The following ZNF676 variants were observed in gnomAD, a reference collection of about 807,000 sequenced individuals.
The protein encoded by ZNF676 is zinc finger protein 676.
A neutral mutation model predicts 6.0 loss-of-function variants in ZNF676; 4 were observed. The observed-to-expected ratio is 0.67, with a 90% CI of 0.33 to 1.53. The LOEUF is 1.53. Among genes scored for constraint, ZNF676 ranks in the 40% most tolerant of loss-of-function variants. ZNF676 has a pLI of 0.06. For missense variants in ZNF676, 644 were observed against 679.7 expected (o/e 0.95, Z 0.58); for synonymous variants, 198 against 223.1 (o/e 0.89, Z 1.00).
At chr19:22,239,721 G>A in the ZNF676 span, among the ~76,000 whole-genome samples, 1 of 152,084 alleles carries the variant, frequency 6.6e-6, no homozygotes, top group Admixed American at 6.5e-5. Context: ...ACAACATTTG[G>A]GTGCTGGGCT....
chr19:22,255,287 G>C, the ZNF676 span, among the ~76,000 whole-genome samples: 23 of 152,256 alleles, frequency 1.5e-4, no homozygotes, highest in African/African-American at 4.8e-4. Flanking sequence ...GTTCATGTGG[G>C]AAAATGACAA....
At chr19:22,241,602 G>T in the ZNF676 span, among the ~76,000 whole-genome samples, 1 of 151,778 alleles carries the variant, frequency 6.6e-6, no homozygotes, top group Admixed American at 6.6e-5. Context: ...CTGTGTGCTG[G>T]GCCCTGTGAG....
chr19:22,201,497 C>T (rs1423195964), upstream of ZNF676, among the ~76,000 whole-genome samples: 2 of 152,116 alleles, frequency 1.3e-5, no homozygotes, highest in Non-Finnish European at 2.9e-5. Context: ...ATCAACCTCA[C>T]TCTGCATTTT....
At chr19:22,203,599 A>G (rs978287746) in intron 1 of ZNF676, 2 of 147,666 alleles carry the variant, frequency 1.4e-5, no homozygotes, top group African/African-American at 5.0e-5. Context: ...TCTCAGCACA[A>G]TTTTTTTTTT....
At chr19:22,236,349 C>T in the ZNF676 span, among the ~76,000 whole-genome samples, 1 of 152,030 alleles carries the variant, frequency 6.6e-6, no homozygotes. Flanking sequence ...GTAAGTTGGA[C>T]CTGAGCTAAA....
At chr19:22,244,962 T>C in the ZNF676 span, 2 of 152,144 alleles carry the variant, frequency 1.3e-5, no homozygotes, top group East Asian at 3.9e-4. Flanking sequence ...GAGGAAGAAG[T>C]AGAGAGTCAC....
intron 2 of ZNF676, among the ~76,000 whole-genome samples, chr19:22,190,630 C>CATATATATAT (rs74174059): frequency 0.056 from 3,738 of 66,278 alleles, 174 homozygotes; most frequent in Non-Finnish European, 0.067. Flanking sequence ...TAGAATGCAA[C>CATATATATAT]ATATATATAT....
chr19:22,216,434 T>G (rs1308086046), upstream of ZNF676, among the ~76,000 whole-genome samples: 1 of 150,188 alleles, frequency 6.7e-6, no homozygotes, highest in East Asian at 1.9e-4. Context: ...AAACGCCAGC[T>G]CAAAAACATG....
intron 1 of ZNF676, chr19:22,203,889 T>C (rs566179856): frequency 1.3e-5 from 2 of 152,276 alleles, no homozygotes; most frequent in South Asian, 4.1e-4. Context: ...CCACAGCGCC[T>C]AGCTCTCAGC....
chr19:22,209,947 A>G (rs2024113481), intron 1 of ZNF676, among the ~76,000 whole-genome samples: 1 of 152,206 alleles, frequency 6.6e-6, no homozygotes, highest in Non-Finnish European at 1.5e-5. Flanking sequence ...TGCCTTGTCC[A>G]GAGAGGGGTG....
At chr19:22,217,238 T>A (rs972863214), upstream of ZNF676, among the ~76,000 whole-genome samples, 1 of 152,104 alleles carries the variant, frequency 6.6e-6, no homozygotes, top group Non-Finnish European at 1.5e-5. Flanking sequence ...GTTTCGCTCT[T>A]ATTGCCCAGG....
chr19:22,183,779 T>A (rs1025344959), intron 2 of ZNF676, among the ~76,000 whole-genome samples: 2 of 151,950 alleles, frequency 1.3e-5, no homozygotes, highest in African/African-American at 4.8e-5. Flanking sequence ...GCAGAAGAGG[T>A]CAAAATAATA....
At position 22,196,928 on chromosome 19, in the gene ZNF676, C is replaced by A. The variant is rs1329031576; in HGVS notation, c.-295G>T. 5 of 561,248 alleles carry A rather than the reference C, an allele frequency of 8.9e-6. No individual in the cohort carries two copies. In the African/African-American group the frequency reaches 9.5e-5, roughly 11 times the overall value. 34.8% of individuals were successfully genotyped at this position (561,248 alleles called of 1,614,324 possible). A position where few individuals can be genotyped will look rare whatever the true frequency, so the allele number is the denominator to read the frequency against. ...CTGAGAAAAGAAAGTGGTATAAGAT[C>A]CATAACATCTGTGTATATGTAATAT... is the stretch of plus-strand genomic sequence containing the variant. On this transcript the variant is annotated 5_prime_UTR_variant, in exon 1 of 3. Coordinates refer to ENST00000397121, the MANE Select transcript of ZNF676 (RefSeq NM_001001411.3).
the ZNF676 span, among the ~76,000 whole-genome samples, chr19:22,233,621 C>A: frequency 2.0e-5 from 3 of 152,342 alleles, 1 homozygote; most frequent in South Asian, 6.2e-4. Flanking sequence ...TACACCTGTT[C>A]CCTGTCTGTG....
At chr19:22,247,739 C>T in the ZNF676 span, among the ~76,000 whole-genome samples, 4 of 152,128 alleles carry the variant, frequency 2.6e-5, no homozygotes, top group East Asian at 3.9e-4. Flanking sequence ...GAGCCAAGAT[C>T]GTGCCACTGC....
At chr19:22,207,929 T>TA (rs2024091986) in intron 1 of ZNF676, among the ~76,000 whole-genome samples, 2 of 130,010 alleles carry the variant, frequency 1.5e-5, no homozygotes, top group Non-Finnish European at 3.3e-5. Flanking sequence ...TAACACCATA[T>TA]AAAAAAATCA....
chr19:22,255,536 T>C, the ZNF676 span, among the ~76,000 whole-genome samples: 24 of 152,286 alleles, frequency 1.6e-4, no homozygotes, highest in African/African-American at 5.1e-4. Flanking sequence ...CACTTTCCTA[T>C]GAGCTGCATT....
chr19:22,242,386 G>T, the ZNF676 span, among the ~76,000 whole-genome samples: 1 of 151,926 alleles, frequency 6.6e-6, no homozygotes, highest in Non-Finnish European at 1.5e-5. Context: ...TGGGCCCAGC[G>T]ATGTGTCACA....
chr19:22,189,862 C>G (rs549344142), intron 2 of ZNF676, among the ~76,000 whole-genome samples: 21 of 151,832 alleles, frequency 1.4e-4, no homozygotes, highest in Admixed American at 1.4e-3. Flanking sequence ...CATTAAGAAG[C>G]CAGGAAACAA....
Sources: allele counts gnomAD v4.1 joint callset (sites outside exome capture counted in the v4.1 genomes callset), GRCh38; gene constraint gnomAD v4.1.1; transcripts MANE v1.5; gene names NCBI Gene and HGNC (gene_info 2026-07-23, HGNC 2026-07-21).